The following CABLES2 variants were observed in gnomAD, a reference collection of about 807,000 sequenced individuals.
CABLES2 encodes the protein CDK5 and ABL1 enzyme substrate 2.
A neutral mutation model predicts 44.8 loss-of-function variants in CABLES2; 35 were observed. The observed-to-expected ratio is 0.78, with a 90% CI of 0.60 to 1.04. The LOEUF is 1.04. CABLES2 is among the 50% of genes least tolerant of loss of function. The pLI is 0.00. For missense variants in CABLES2, 566 were observed against 615.7 expected, an observed-to-expected ratio of 0.92 and a Z score of 0.85; for synonymous variants, 282 against 281.1, an observed-to-expected ratio of 1.00 and a Z score of -0.03.
chr20:62,392,801 A>G (rs1987943357), intron 7 of CABLES2, 119 bp downstream of exon 7: 1 of 887,510 alleles, frequency 1.1e-6, no homozygotes, highest in Non-Finnish European at 1.8e-6. Context: ...TGCTGCTGCG[A>G]TCCGGGATGG....
intron 1 of CABLES2, among the ~76,000 whole-genome samples, chr20:62,401,557 G>A (rs1442227368): frequency 6.6e-6 from 1 of 152,196 alleles, no homozygotes; most frequent in Non-Finnish European, 1.5e-5. Flanking sequence ...CGGCAGACAT[G>A]GAGAGGATCA....
At chr20:62,395,130 G>T in intron 3 of CABLES2, 116 bp from the exon 4 acceptor site, 1 of 843,004 alleles carries the variant, frequency 1.2e-6, no homozygotes, top group Non-Finnish European at 1.9e-6. Flanking sequence ...TTCAGGTGCT[G>T]GGAAACTGCC....
intron 5 of CABLES2, 143 bp downstream of exon 5, chr20:62,394,014 G>A: frequency 1.4e-6 from 1 of 703,084 alleles, no homozygotes; most frequent in Admixed American, 2.2e-5. Flanking sequence ...GGGCTGCACG[G>A]GCCCGCATCC....
Position 62,391,202 on chromosome 20 carries a change from T to C in CABLES2, c.1296+47A>G, listed in dbSNP as rs1254127693. 1 of 1,603,118 alleles carries C rather than the reference T, an allele frequency of 6.2e-7. No homozygotes were observed. Among genetic ancestry groups the C allele is most frequent in the African/African-American group, 1.3e-5 (1 of 74,774 alleles). On this transcript the variant is annotated intron_variant, in intron 9 of 9. Transcript: ENST00000279101. The surrounding 1 kb of genome is among the most constrained non-coding windows in gnomAD (Gnocchi z 5.7). ...GCCCCATCCCAGCAGTGGCCCTGGC[T>C]CGATGTCATGACCCTGCCTGCAGTG... is the stretch of plus-strand genomic sequence containing the variant.
chr20:62,391,097 CCTTT>C lies in CABLES2; in HGVS notation c.1307_1310del (p.Glu436GlyfsTer9), dbSNP rs751729657. The C allele has an allele frequency of 5.0e-6, 8 of 1,613,980 alleles. No homozygotes were observed. Among genetic ancestry groups the C allele is most frequent in the Non-Finnish European group, 1.7e-6 (2 of 1,180,038 alleles). ...TCAGGTCGCGCCTGTTGAATCGAAA[CCTTT>C]CTTCTAACTTCTGCAGGGGAGAAGA... is the stretch of plus-strand genomic sequence containing the variant. On this transcript the variant is annotated frameshift_variant, in exon 10 of 10. Coordinates refer to ENST00000279101, the MANE Select transcript of CABLES2 (RefSeq NM_031215.3). LOFTEE classifies it high-confidence loss of function. This position sits in a 1 kb window ranked among gnomAD's most constrained non-coding sequence, Gnocchi z 5.7.
At position 62,391,125 on chromosome 20, in the gene CABLES2, G is replaced by A; in HGVS notation, c.1297-14C>T. The stretch of plus-strand genomic sequence containing the variant: ...TTCTTCTAACTTCTGCAGGGGAGAA[G>A]AGAGAAGGGTTACACGGGAGCCTTC... On this transcript the variant is annotated splice_polypyrimidine_tract_variant and intron_variant, in intron 9 of 9. Coordinates refer to ENST00000279101, the MANE Select transcript of CABLES2 (RefSeq NM_031215.3). This position sits in a 1 kb window ranked among gnomAD's most constrained non-coding sequence, Gnocchi z 5.7. 6.2e-7 allele frequency: 1 copy of A among 1,613,788 alleles called. No individual in the cohort carries two copies.
rs1404846379 is a variant in CABLES2 at position 62,392,979 on chromosome 20, C to G, written c.925G>C (p.Asp309His). 1 of 1,614,062 alleles carries G rather than the reference C, an allele frequency of 6.2e-7. No homozygotes were observed. The highest frequency in any genetic ancestry group is 8.5e-7 in the Non-Finnish European group (1 of 1,180,022). Residue 309 changes from aspartate (D) to histidine (H), a missense_variant, in exon 7 of 10, where the codon GAT becomes CAT. By Grantham distance (81) the Asp-to-His change is moderately conservative. This residue lies in a region of CABLES2 where 436 missense variants were observed against 536.3 expected (regional missense o/e 0.81). Coordinates refer to ENST00000279101, the MANE Select transcript of CABLES2 (RefSeq NM_031215.3). ...DTLEYNPNLL[D>H]DPQWPCGKHK... ...TTGCCGCAGGGCCACTGCGGGTCAT[C>G]CAGGAGGTTGGGGTTGTACTCCAGG...
intron 5 of CABLES2, 142 bp downstream of exon 5, chr20:62,394,015 G>T: frequency 1.4e-6 from 1 of 705,316 alleles, no homozygotes. Flanking sequence ...GGCTGCACGG[G>T]CCCGCATCCA....
In CABLES2 at chr20:62,394,677, C is replaced by A. The variant is rs189776464; in HGVS notation, c.605+260G>T. On this transcript the variant is annotated intron_variant, in intron 4 of 9. Transcript: ENST00000279101. ...TGGTCACAGCACCAAGTGGCTCTGTCCACAGGAGGTGGGACAGCCCAGCCA... is the reference window on the plus strand; with the variant it reads ...TGGTCACAGCACCAAGTGGCTCTGTACACAGGAGGTGGGACAGCCCAGCCA... 2.8e-4 allele frequency among the ~76,000 whole-genome samples: 42 copies of A among 152,306 alleles called. No individual in the cohort carries two copies. The East Asian group carries it at 7.1e-3, about 26-fold the overall frequency.
At chr20:62,398,212 T>TGATG (rs1491343862) in intron 1 of CABLES2, among the ~76,000 whole-genome samples, 9 of 43,208 alleles carry the variant, frequency 2.1e-4, no homozygotes, top group African/African-American at 3.1e-4. Flanking sequence ...GTGATGGTGA[T>TGATG]GTGATGGTGG....
At chr20:62,397,507 G>C (rs1212694031) in intron 1 of CABLES2, among the ~76,000 whole-genome samples, 1 of 152,118 alleles carries the variant, frequency 6.6e-6, no homozygotes, top group Non-Finnish European at 1.5e-5. Context: ...GACCCCTCAG[G>C]GCACAATGCC....
chr20:62,402,043 G>A (rs1008542077), intron 1 of CABLES2, among the ~76,000 whole-genome samples: 4 of 152,208 alleles, frequency 2.6e-5, no homozygotes, highest in African/African-American at 9.7e-5. Flanking sequence ...TTACACTGGC[G>A]GTGCCTACTC....
At chr20:62,392,780 G>A (rs536420041) in intron 7 of CABLES2, 140 bp downstream of exon 7, 16 of 782,496 alleles carry the variant, frequency 2.0e-5, no homozygotes, top group Middle Eastern at 3.7e-4. Flanking sequence ...CCTGCACACC[G>A]CCACTGTCTG....
At chr20:62,392,288 C>T (rs1020242432) in intron 8 of CABLES2, 101 bp downstream of exon 8, 91 of 875,940 alleles carry the variant, frequency 1.0e-4, no homozygotes, top group South Asian at 5.9e-5. Flanking sequence ...GGATGGGCAG[C>T]GGCTAGACTT....
intron 1 of CABLES2, among the ~76,000 whole-genome samples, chr20:62,406,623 C>G (rs1241563821): frequency 6.6e-6 from 1 of 152,036 alleles, no homozygotes; most frequent in Non-Finnish European, 1.5e-5. Flanking sequence ...GTGAACCCAA[C>G]CCCTGTGTCC....
Position 62,407,177 on chromosome 20 carries a change from G to C in CABLES2, c.100C>G (p.Gln34Glu). 1.0e-6 allele frequency: 1 copy of C among 996,474 alleles called. No homozygotes were observed. Among genetic ancestry groups the C allele is most frequent in the African/African-American group, 1.8e-5 (1 of 56,960 alleles). 61.7% of individuals were successfully genotyped at this position (996,474 alleles called of 1,614,324 possible). ...APTSAARAPP[Q>E]ALRRRGDSRR... is the part of the protein sequence containing the mutation. ...GAGTCCCCGCGCCTCCGCAGCGCCT[G>C]CGGCGGGGCCCGAGCGGCCGAGGTC... is the stretch of plus-strand genomic sequence containing the variant. Residue 34 changes from glutamine to glutamate, a missense_variant, in exon 1 of 10, where the codon CAG becomes GAG. Physicochemically the swap from Gln to Glu is conservative, Grantham distance 29. Coordinates refer to ENST00000279101, the MANE Select transcript of CABLES2 (RefSeq NM_031215.3).
intron 6 of CABLES2, 32 bp from the exon 7 acceptor site, chr20:62,393,055 A>C (rs755215306): frequency 1.3e-6 from 2 of 1,569,244 alleles, no homozygotes; most frequent in African/African-American, 2.7e-5. Context: ...ACCCACCAGG[A>C]GTCTTGAGCA....
At chr20:62,397,857 T>C (rs564627203) in intron 1 of CABLES2, among the ~76,000 whole-genome samples, 2 of 146,190 alleles carry the variant, frequency 1.4e-5, no homozygotes, top group East Asian at 4.1e-4. Flanking sequence ...TGCAGGGCTG[T>C]TGGCCCCCAG....
rs34477462 is a variant in CABLES2, at chr20:62,401,619, G to T, written c.363-5027C>A. Among the ~76,000 whole-genome samples the T allele has an allele frequency of 5.1e-4, 78 of 152,294 alleles. No individual in the cohort carries two copies. In the South Asian group the frequency reaches 0.016, roughly 32 times the overall value. On this transcript the variant is annotated intron_variant, in intron 1 of 9. Coordinates refer to ENST00000279101, the MANE Select transcript of CABLES2 (RefSeq NM_031215.3). Reference sequence around the variant, plus strand: ...CCTAGCTGGAAGCAGCACACACGCCGGTCAGCAGGAGGCGGGACATGCGCA... The same window carrying T: ...CCTAGCTGGAAGCAGCACACACGCCTGTCAGCAGGAGGCGGGACATGCGCA...
Sources: gnomAD v4.1 joint callset for allele counts (sites outside exome capture counted in the v4.1 genomes callset) on GRCh38, gnomAD v4.1.1 for gene constraint, gnomAD v4.1.1 regional missense constraint, Gnocchi (gnomAD v3.1) non-coding constraint, MANE v1.5 for transcripts, NCBI Gene and HGNC (gene_info 2026-07-23, HGNC 2026-07-21) for gene names.